LRBA: variants seen among roughly 807,000 people sequenced by gnomAD.
The protein encoded by LRBA is LPS responsive beige-like anchor protein.
A neutral mutation model predicts 330.0 loss-of-function variants in LRBA; 176 were observed. The observed-to-expected ratio is 0.53, with a 90% CI of 0.47 to 0.60. LRBA has a LOEUF of 0.60. LRBA is among the 20% of genes least tolerant of loss of function. LRBA has a pLI of 0.00. For synonymous variants in LRBA, 1,230 were observed against 1,193.0 expected (o/e 1.03, Z -0.64); for missense variants, 3,259 against 3,444.8 (o/e 0.95, Z 1.35).
chr4:150,503,640 A>T (rs1292169415), intron 40 of LRBA, among the ~76,000 whole-genome samples: 1 of 152,194 alleles, frequency 6.6e-6, no homozygotes, highest in Non-Finnish European at 1.5e-5. Flanking sequence ...AAAGATGGGG[A>T]AAAAACAGAG....
intron 40 of LRBA, among the ~76,000 whole-genome samples, chr4:150,531,729 A>G (rs1010238380): frequency 6.6e-6 from 1 of 152,224 alleles, no homozygotes; most frequent in Non-Finnish European, 1.5e-5. Context: ...ATAATCTTCA[A>G]AAGTACCAAT....
chr4:150,319,864 G>T (rs961434947), intron 50 of LRBA, among the ~76,000 whole-genome samples: 1 of 152,094 alleles, frequency 6.6e-6, no homozygotes, highest in Non-Finnish European at 1.5e-5. Flanking sequence ...ATTTAATTTG[G>T]CATGAGGTCC....
At chr4:150,882,723 C>T (rs1445269921) in intron 17 of LRBA, among the ~76,000 whole-genome samples, 3 of 152,108 alleles carry the variant, frequency 2.0e-5, no homozygotes, top group African/African-American at 4.8e-5. Flanking sequence ...AATCTGCTCA[C>T]AGATATTAAA....
At chr4:150,619,684 A>T (rs1210756013) in intron 37 of LRBA, among the ~76,000 whole-genome samples, 1 of 152,288 alleles carries the variant, frequency 6.6e-6, no homozygotes, top group Admixed American at 6.5e-5. Flanking sequence ...CCATCATACC[A>T]TTAGGCTCCA....
intron 34 of LRBA, among the ~76,000 whole-genome samples, chr4:150,788,239 ATTTTTTTTTTTTTTTT>A (rs377479266): frequency 3.2e-5 from 4 of 123,222 alleles, no homozygotes; most frequent in South Asian, 2.5e-4. Context: ...CACCCGGTTA[ATTTTTTTTTTTTTTTT>A]TTTTTTTTTT....
chr4:150,670,983 G>A (rs1781996936), intron 37 of LRBA, among the ~76,000 whole-genome samples: 1 of 144,936 alleles, frequency 6.9e-6, no homozygotes, highest in Admixed American at 7.0e-5. Flanking sequence ...TTTTCACTTT[G>A]TCCCACAACA....
At chr4:150,981,647 T>C (rs928982707) in intron 2 of LRBA, among the ~76,000 whole-genome samples, 3 of 151,824 alleles carry the variant, frequency 2.0e-5, no homozygotes, top group African/African-American at 7.3e-5. Flanking sequence ...GTGAACTCAA[T>C]TCCAACAAAG....
In LRBA at chr4:150,850,886, T is replaced by C; in HGVS notation, c.3842A>G (p.Glu1281Gly). The C allele has an allele frequency of 2.5e-6, 4 of 1,609,050 alleles. No homozygotes were observed. The highest frequency in any genetic ancestry group is 2.5e-6 in the Non-Finnish European group (3 of 1,178,420). Reference sequence around the variant, plus strand: ...TGGTGCTATTCCTTGCCCTGGCTGCTCATGTTGCCTTGATATCTAATACAG... The same window carrying C: ...TGGTGCTATTCCTTGCCCTGGCTGCCCATGTTGCCTTGATATCTAATACAG... The part of the protein sequence containing the change: ...RHVLEISRQH[E>G]QPGQGIAPDA... The change falls in exon 24 of 57, where the codon GAG (glutamate) becomes GGG (glycine). Residue 1281 changes from glutamate (E) to glycine (G), a missense_variant. Coordinates refer to ENST00000651943, the MANE Select transcript of LRBA (RefSeq NM_001364905.1).
chr4:150,890,865 C>A (rs996413551), intron 17 of LRBA, among the ~76,000 whole-genome samples: 11 of 152,026 alleles, frequency 7.2e-5, no homozygotes, highest in Non-Finnish European at 1.5e-5. Context: ...TAGAATAATT[C>A]TTCTTACTAG....
intron 18 of LRBA, among the ~76,000 whole-genome samples, 157 bp from the exon 19 acceptor site, chr4:150,871,610 G>A (rs991931139): frequency 1.3e-5 from 2 of 151,544 alleles, no homozygotes; most frequent in Non-Finnish European, 2.9e-5. Context: ...AACTTTTAAG[G>A]CCACAAAACC....
chr4:150,839,031 A>C (rs905366923), intron 28 of LRBA, among the ~76,000 whole-genome samples: 3 of 152,182 alleles, frequency 2.0e-5, no homozygotes, highest in African/African-American at 7.2e-5. Flanking sequence ...CAAATAACTC[A>C]AACAAATTTA....
At chr4:150,717,667 C>CAATAATGGTAATAATAATAAT (rs1553944876) in intron 36 of LRBA, among the ~76,000 whole-genome samples, 5 of 15,972 alleles carry the variant, frequency 3.1e-4, no homozygotes, top group Non-Finnish European at 1.6e-3. Context: ...CTCAAAATAA[C>CAATAATGGTAATAATAATAAT]AATAATAGTA....
chr4:150,779,849 G>A (rs937960173), intron 34 of LRBA, among the ~76,000 whole-genome samples: 6 of 152,030 alleles, frequency 3.9e-5, no homozygotes, highest in African/African-American at 1.4e-4. Flanking sequence ...TGTTACACCA[G>A]TTTAAAAGAA....
chr4:150,594,476 G>A (rs188161959), intron 38 of LRBA, among the ~76,000 whole-genome samples: 5 of 151,972 alleles, frequency 3.3e-5, no homozygotes, highest in East Asian at 1.9e-4. Context: ...TTCTACACAC[G>A]TCTAAAAGTT....
chr4:150,529,836 T>G (rs1763874802), intron 40 of LRBA, among the ~76,000 whole-genome samples: 1 of 152,166 alleles, frequency 6.6e-6, no homozygotes, highest in South Asian at 2.1e-4. Context: ...ACAAATAAAG[T>G]AGAGAGAATA....
At chr4:150,794,030 A>G (rs944145580) in intron 34 of LRBA, among the ~76,000 whole-genome samples, 4 of 152,234 alleles carry the variant, frequency 2.6e-5, no homozygotes, top group Non-Finnish European at 5.9e-5. Flanking sequence ...CCAATTATAG[A>G]TATGATCCTC....
chr4:150,589,275 C>T (rs896307517), intron 39 of LRBA, among the ~76,000 whole-genome samples: 23 of 152,238 alleles, frequency 1.5e-4, no homozygotes, highest in Admixed American at 3.9e-4. Flanking sequence ...ATTGACATTT[C>T]CATCGATTGT....
intron 22 of LRBA, among the ~76,000 whole-genome samples, chr4:150,867,104 G>C (rs1182692700): frequency 7.1e-6 from 1 of 141,262 alleles, no homozygotes; most frequent in Non-Finnish European, 1.5e-5. Context: ...ACTTACTTTG[G>C]CTTAATTTAA....
At chr4:150,547,363 T>C (rs1765976726) in intron 40 of LRBA, among the ~76,000 whole-genome samples, 1 of 152,152 alleles carries the variant, frequency 6.6e-6, no homozygotes, top group South Asian at 2.1e-4. Context: ...TAGACATATT[T>C]GCCCAAGATG....
Sources: gnomAD v4.1 joint callset for allele counts (sites outside exome capture counted in the v4.1 genomes callset) on GRCh38, gnomAD v4.1.1 for gene constraint, MANE v1.5 for transcripts, NCBI Gene and HGNC (gene_info 2026-07-23, HGNC 2026-07-21) for gene names.